NCALD: variants seen among roughly 807,000 people sequenced by gnomAD.
NCALD encodes the protein neurocalcin delta.
In NCALD, 10 loss-of-function variants were observed where a neutral mutation model predicts 18.6. That is an observed-to-expected ratio of 0.54 (90% confidence interval 0.33 to 0.91). The LOEUF is 0.91. Among genes scored for constraint, NCALD ranks in the 40% least tolerant of loss-of-function variants. NCALD has a pLI of 0.03. For synonymous variants in NCALD, 88 were observed against 87.4 expected, an observed-to-expected ratio of 1.01 and a Z score of -0.04; for missense variants, 184 against 247.6, an observed-to-expected ratio of 0.74 and a Z score of 1.72.
intron 1 of NCALD, among the ~76,000 whole-genome samples, chr8:101,773,826 T>G (rs1000151515): frequency 1.3e-5 from 2 of 152,192 alleles, no homozygotes; most frequent in Non-Finnish European, 2.9e-5. Flanking sequence ...AAACACGTGC[T>G]TTCTCAGAGT....
chr8:102,035,087 A>G (rs749216512), intron 1 of NCALD, among the ~76,000 whole-genome samples: 2 of 151,942 alleles, frequency 1.3e-5, no homozygotes, highest in Admixed American at 6.6e-5. Context: ...TAAGTGTAGA[A>G]TCTCCAAGAG....
intron 1 of NCALD, among the ~76,000 whole-genome samples, chr8:102,092,649 C>T (rs1435919547): frequency 5.3e-5 from 8 of 152,276 alleles, no homozygotes; most frequent in African/African-American, 1.9e-4. Flanking sequence ...TTTTTTCATG[C>T]TCCTCCCACA....
intron 1 of NCALD, among the ~76,000 whole-genome samples, chr8:102,114,696 C>T (rs1382604458): frequency 6.6e-6 from 1 of 152,212 alleles, no homozygotes; most frequent in Non-Finnish European, 1.5e-5. Context: ...TCCTCCCACC[C>T]TCCCGTCTCC....
intron 1 of NCALD, among the ~76,000 whole-genome samples, chr8:102,099,000 G>C (rs1825189480): frequency 1.3e-5 from 2 of 152,170 alleles, no homozygotes; most frequent in South Asian, 4.1e-4. Context: ...GCTGTTGATG[G>C]CCATGTTGGC....
chr8:101,823,408 C>CT (rs1813800946), intron 4 of NCALD, among the ~76,000 whole-genome samples: 1 of 152,206 alleles, frequency 6.6e-6, no homozygotes, highest in Admixed American at 6.5e-5. Flanking sequence ...TCCTTCAAGT[C>CT]TAAGTTTCTC....
chr8:102,097,851 CCTAT>C (rs1587076148), intron 1 of NCALD, among the ~76,000 whole-genome samples: 3 of 152,242 alleles, frequency 2.0e-5, no homozygotes, highest in Non-Finnish European at 4.4e-5. Context: ...AAGCCTTCAC[CCTAT>C]CTGTTTCTTA....
rs181298820 is a variant in NCALD, at chr8:101,732,185, G to A, written c.-19-12537C>T. Among the ~76,000 whole-genome samples, 496 of 152,210 alleles carry A rather than the reference G, an allele frequency of 3.3e-3. 1 individual carries two copies. Among genetic ancestry groups the A allele is most frequent in the Non-Finnish European group, 5.3e-3 (361 of 68,006 alleles). ...TTGCAATAAATGTCCGCTTAACTAGGGTACTAAATATTATCTTACTTAAAA... is the reference window on the plus strand; with the variant it reads ...TTGCAATAAATGTCCGCTTAACTAGAGTACTAAATATTATCTTACTTAAAA... On this transcript the variant is annotated intron_variant, in intron 1 of 3. Coordinates refer to ENST00000220931, the MANE Select transcript of NCALD (RefSeq NM_032041.3).
At chr8:102,010,338 A>G (rs191405243) in intron 2 of NCALD, among the ~76,000 whole-genome samples, 193 of 152,324 alleles carry the variant, frequency 1.3e-3, no homozygotes, top group Admixed American at 4.3e-3. Flanking sequence ...ACTGACCCCA[A>G]ATAGTTGCTA....
intron 2 of NCALD, among the ~76,000 whole-genome samples, chr8:101,938,208 G>T (rs1818831447): frequency 6.6e-6 from 1 of 152,096 alleles, no homozygotes; most frequent in South Asian, 2.1e-4. Context: ...CATAATATTA[G>T]CCTCATTAGA....
At chr8:101,737,557 A>G (rs1004842652) in intron 1 of NCALD, among the ~76,000 whole-genome samples, 4 of 152,134 alleles carry the variant, frequency 2.6e-5, no homozygotes, top group African/African-American at 9.7e-5. Flanking sequence ...TCCTCACCCT[A>G]GCTTGACCTT....
intron 2 of NCALD, among the ~76,000 whole-genome samples, chr8:101,701,504 G>T (rs1343775443): frequency 6.6e-6 from 1 of 152,160 alleles, no homozygotes; most frequent in South Asian, 2.1e-4. Flanking sequence ...CAGCTCCCCA[G>T]TGTGACCAGA....
intron 2 of NCALD, among the ~76,000 whole-genome samples, chr8:101,959,607 C>A (rs1388825144): frequency 6.6e-6 from 1 of 152,064 alleles, no homozygotes; most frequent in East Asian, 1.9e-4. Context: ...TCAGATTATT[C>A]CAGATTTAGC....
rs1349176954 is a variant in NCALD at position 101,690,263 on chromosome 8, G to GGTA, written c.485-858_485-857insTAC. The GGTA allele has an allele frequency of 8.1e-6, 8 of 985,282 alleles. 1 individual carries two copies. The highest frequency in any genetic ancestry group is 9.6e-6 in the Non-Finnish European group (8 of 829,926). 61.0% of individuals were successfully genotyped at this position (985,282 alleles called of 1,614,324 possible). A position where few individuals can be genotyped will look rare whatever the true frequency, so the allele number is the denominator to read the frequency against. ...TTTCCCATTCCTGGTGCTTCCAGAAGGACCCTTCCTCTTTGTCTACCCCGC... is the reference window on the plus strand; with the variant it reads ...TTTCCCATTCCTGGTGCTTCCAGAAGGTAGACCCTTCCTCTTTGTCTACCCCGC... On this transcript the variant is annotated intron_variant, in intron 3 of 3. Transcript: ENST00000220931.
At chr8:101,838,840 A>T (rs1814522669) in intron 4 of NCALD, among the ~76,000 whole-genome samples, 1 of 152,260 alleles carries the variant, frequency 6.6e-6, no homozygotes, top group African/African-American at 2.4e-5. Flanking sequence ...GGTCAGTATC[A>T]TAACCAATGT....
At chr8:101,972,515 G>A (rs1268436613) in intron 2 of NCALD, among the ~76,000 whole-genome samples, 2 of 152,126 alleles carry the variant, frequency 1.3e-5, no homozygotes, top group African/African-American at 4.8e-5. Context: ...TTTTCAACCT[G>A]AAGATAATTT....
chr8:101,721,959 A>G (rs2130474213), intron 1 of NCALD, among the ~76,000 whole-genome samples: 1 of 151,662 alleles, frequency 6.6e-6, no homozygotes, highest in African/African-American at 2.4e-5. Context: ...CTCCTGCCTC[A>G]GCCTCCCAAA....
chr8:101,901,548 C>T (rs1027111552), intron 3 of NCALD, among the ~76,000 whole-genome samples: 3 of 151,806 alleles, frequency 2.0e-5, no homozygotes, highest in Non-Finnish European at 2.9e-5. Context: ...AATGGTTGCT[C>T]TCCTTATTAT....
chr8:101,865,300 T>C (rs537267242), intron 4 of NCALD, among the ~76,000 whole-genome samples: 5 of 152,310 alleles, frequency 3.3e-5, no homozygotes, highest in African/African-American at 1.2e-4. Context: ...TTGTTGGAGT[T>C]TGAGGCACAG....
chr8:102,122,971 T>C (rs547269729), intron 1 of NCALD, among the ~76,000 whole-genome samples: 134 of 152,306 alleles, frequency 8.8e-4, no homozygotes, highest in African/African-American at 3.1e-3. Flanking sequence ...CCCAGATCTG[T>C]CCTTGCCCCG....
Sources: allele counts gnomAD v4.1 joint callset (sites outside exome capture counted in the v4.1 genomes callset), GRCh38; gene constraint gnomAD v4.1.1; transcripts MANE v1.5; gene names NCBI Gene and HGNC (gene_info 2026-07-23, HGNC 2026-07-21).